The following SGK2 variants were observed in gnomAD, a reference collection of about 807,000 sequenced individuals.
The protein encoded by SGK2 is serum/glucocorticoid regulated kinase 2.
In SGK2, 36 loss-of-function variants were observed where a neutral mutation model predicts 47.5. That is an observed-to-expected ratio of 0.76 (90% CI 0.58 to 1.00). SGK2 has a LOEUF of 1.00. Among genes scored for constraint, SGK2 ranks in the 50% least tolerant of loss-of-function variants. The probability of loss-of-function intolerance (pLI) is 0.00; values close to 1 mark genes in which losing one functional copy is unlikely to be tolerated. For missense variants in SGK2, 404 were observed against 467.4 expected (o/e 0.86, Z 1.25); for synonymous variants, 157 against 181.9 (o/e 0.86, Z 1.10).
intron 7 of SGK2, 98 bp downstream of exon 7, chr20:43,570,827 C>A: frequency 1.6e-6 from 2 of 1,275,358 alleles, no homozygotes; most frequent in African/African-American, 1.5e-5. Context: ...TCCTGGTGGA[C>A]TTGGTCCTTT....
intron 12 of SGK2, among the ~76,000 whole-genome samples, chr20:43,584,325 T>C (rs1333467523): frequency 6.6e-6 from 1 of 152,170 alleles, no homozygotes; most frequent in Non-Finnish European, 1.5e-5. Flanking sequence ...ATTAAAGGAA[T>C]GGAGAAATAG....
At chr20:43,561,535 A>G (rs1197527705) in intron 1 of SGK2, among the ~76,000 whole-genome samples, 2 of 151,844 alleles carry the variant, frequency 1.3e-5, no homozygotes, top group Non-Finnish European at 2.9e-5. Flanking sequence ...GACTACAGGC[A>G]CATATCACCA....
chr20:43,580,148 A>G, intron 12 of SGK2, 87 bp downstream of exon 12: 1 of 805,182 alleles, frequency 1.2e-6, no homozygotes, highest in Non-Finnish European at 2.0e-6. Flanking sequence ...TAGATGGAAA[A>G]CTTGGGGGTC....
intron 1 of SGK2, among the ~76,000 whole-genome samples, chr20:43,563,135 CAA>C (rs796539305): frequency 2.7e-4 from 19 of 70,570 alleles, no homozygotes; most frequent in Non-Finnish European, 3.2e-4. Context: ...GACTCTGTCT[CAA>C]AAAAAAAAAA....
chr20:43,564,097 C>T (rs747052140), intron 1 of SGK2, among the ~76,000 whole-genome samples: 13 of 152,220 alleles, frequency 8.5e-5, no homozygotes, highest in Admixed American at 8.5e-4. Context: ...GCCTACCCCT[C>T]GGGATCCTGG....
chr20:43,563,416 A>G (rs1019977838), intron 1 of SGK2, among the ~76,000 whole-genome samples: 1 of 152,216 alleles, frequency 6.6e-6, no homozygotes, highest in Admixed American at 6.5e-5. Flanking sequence ...GAAGTTGAAT[A>G]AGATGAGGAT....
intron 1 of SGK2, 183 bp from the exon 2 acceptor site, chr20:43,566,290 A>G: frequency 6.4e-7 from 1 of 1,560,984 alleles, no homozygotes; most frequent in Non-Finnish European, 8.8e-7. Flanking sequence ...GTCTGGGTCC[A>G]GGGGATATCA....
At chr20:43,567,822 CT>C in intron 4 of SGK2, 93 bp from the exon 5 acceptor site, 1 of 1,552,858 alleles carries the variant, frequency 6.4e-7, no homozygotes, top group Non-Finnish European at 8.9e-7. Context: ...GCACTCGCAC[CT>C]GCAGACAAAA....
chr20:43,575,040 G>C (rs1247476312), intron 10 of SGK2, 36 bp downstream of exon 10: 1 of 1,423,988 alleles, frequency 7.0e-7, no homozygotes, highest in Non-Finnish European at 9.9e-7. Flanking sequence ...GGGCCATCTG[G>C]CTAGGGATGG....
chr20:43,570,935 C>G, intron 7 of SGK2, 89 bp from the exon 8 acceptor site: 1 of 1,593,084 alleles, frequency 6.3e-7, no homozygotes, highest in Non-Finnish European at 8.6e-7. Context: ...GAATAGTTCT[C>G]CTGCCAGGAC....
chr20:43,567,527 G>T, intron 3 of SGK2, 138 bp from the exon 4 acceptor site: 3 of 744,116 alleles, frequency 4.0e-6, no homozygotes, highest in Non-Finnish European at 6.9e-6. Context: ...GGGGTTCTTC[G>T]GGGGTGAGGA....
intron 11 of SGK2, among the ~76,000 whole-genome samples, chr20:43,577,347 C>CTTT (rs924498448): frequency 4.1e-5 from 5 of 122,090 alleles, no homozygotes; most frequent in South Asian, 2.6e-4. Flanking sequence ...ACTGCATCTG[C>CTTT]TTTTTTTTTT....
intron 12 of SGK2, among the ~76,000 whole-genome samples, chr20:43,581,913 G>C (rs1980819851): frequency 6.6e-6 from 1 of 152,204 alleles, no homozygotes; most frequent in Admixed American, 6.5e-5. Flanking sequence ...TTGCTGGAGA[G>C]TTCTCATCTT....
Position 43,572,947 on chromosome 20 carries a change from T to G in SGK2, c.597+810T>G, listed in dbSNP as rs1175206884. ...CATCTCAATTTGGAGCAGCCACATTTGAAGTGTTCGATAGCCACGTGCAGC... is the reference window on the plus strand; with the variant it reads ...CATCTCAATTTGGAGCAGCCACATTGGAAGTGTTCGATAGCCACGTGCAGC... On this transcript the variant is annotated intron_variant, in intron 9 of 12. Transcript: ENST00000373100. The surrounding 1 kb of genome is among the most constrained non-coding windows in gnomAD (Gnocchi z 4.2). Among the ~76,000 whole-genome samples, 1 of 152,210 alleles carries G rather than the reference T, an allele frequency of 6.6e-6. No individual in the cohort carries two copies. The highest frequency in any genetic ancestry group is 2.4e-5 in the African/African-American group (1 of 41,446).
At chr20:43,582,357 A>G (rs1168558581) in intron 12 of SGK2, among the ~76,000 whole-genome samples, 1 of 151,380 alleles carries the variant, frequency 6.6e-6, no homozygotes, top group Non-Finnish European at 1.5e-5. Context: ...ACACCTGGCC[A>G]GTTTTTATTT....
chr20:43,576,293 G>A lies in SGK2; in HGVS notation c.763G>A (p.Gly255Arg), dbSNP rs774838630. The A allele has an allele frequency of 2.2e-5, 36 of 1,614,096 alleles. No homozygotes were observed. Among genetic ancestry groups the A allele is most frequent in the Admixed American group, 5.0e-5 (3 of 60,000 alleles). The change falls in exon 11 of 13, where the codon GGA becomes AGA. Residue 255 changes from glycine (G) to arginine (R), a missense_variant. By Grantham distance (125) the Gly-to-Arg change is moderately radical. Transcript: ENST00000373100. The part of the protein sequence containing the change: ...NILHQPLQIP[G>R]GRTVAACDLL... ...TCTGCACCAGCCGCTACAGATCCCC[G>A]GAGGCCGGACAGTGGCCGCCTGTGA... is the stretch of plus-strand genomic sequence containing the variant.
chr20:43,575,457 T>C (rs1298661660), intron 10 of SGK2, among the ~76,000 whole-genome samples: 1 of 101,278 alleles, frequency 9.9e-6, no homozygotes, highest in Non-Finnish European at 2.0e-5. Flanking sequence ...GGAGGGAGAC[T>C]CTGTCTCAAA....
chr20:43,577,347 C>CTTTTTTT (rs924498448), intron 11 of SGK2, among the ~76,000 whole-genome samples: 1 of 122,118 alleles, frequency 8.2e-6, no homozygotes, highest in Non-Finnish European at 1.7e-5. Flanking sequence ...ACTGCATCTG[C>CTTTTTTT]TTTTTTTTTT....
chr20:43,560,954 G>A (rs1979344517), intron 1 of SGK2, among the ~76,000 whole-genome samples: 1 of 152,194 alleles, frequency 6.6e-6, no homozygotes, highest in African/African-American at 2.4e-5. Flanking sequence ...TAAGGCATCA[G>A]TGCTACAAAG....
Sources: allele counts gnomAD v4.1 joint callset (sites outside exome capture counted in the v4.1 genomes callset), GRCh38; gene constraint gnomAD v4.1.1; non-coding constraint Gnocchi (gnomAD v3.1); transcripts MANE v1.5; gene names NCBI Gene and HGNC (gene_info 2026-07-23, HGNC 2026-07-21).